Variants in KDM3A observed in about 807,000 individuals in gnomAD.
The protein encoded by KDM3A is lysine-specific demethylase 3A.
KDM3A carries 60 observed loss-of-function variants against 158.0 expected under a neutral mutation model. The ratio of observed to expected loss-of-function variants is 0.38; its 90% confidence interval spans 0.31 to 0.47. KDM3A has a LOEUF of 0.47. Ranked by LOEUF, KDM3A falls within the 20% of genes least tolerant of loss-of-function variation. KDM3A has a pLI of 0.99. For synonymous variants in KDM3A, 608 were observed against 549.3 expected, an observed-to-expected ratio of 1.11 and a Z score of -1.49; for missense variants, 1,319 against 1,574.3, an observed-to-expected ratio of 0.84 and a Z score of 2.74.
chr2:86,465,406 G>GT (rs1049432465), intron 9 of KDM3A, among the ~76,000 whole-genome samples: 2 of 152,008 alleles, frequency 1.3e-5, no homozygotes, highest in African/African-American at 4.8e-5. Flanking sequence ...AGTTTTTGAG[G>GT]TTTTTTAGAG....
intron 10 of KDM3A, among the ~76,000 whole-genome samples, chr2:86,468,013 G>C (rs1673233602): frequency 1.3e-5 from 2 of 152,154 alleles, no homozygotes; most frequent in Admixed American, 6.5e-5. Context: ...GCAACAGAGT[G>C]AGAGCTTGGC....
At chr2:86,443,743 T>A (rs1682840504) in intron 2 of KDM3A, among the ~76,000 whole-genome samples, 1 of 152,164 alleles carries the variant, frequency 6.6e-6, no homozygotes, top group Non-Finnish European at 1.5e-5. Context: ...GCTGTGAGGT[T>A]TGGTTTTTTC....
intron 10 of KDM3A, among the ~76,000 whole-genome samples, chr2:86,467,702 T>C (rs1021334507): frequency 6.6e-6 from 1 of 152,210 alleles, no homozygotes; most frequent in African/African-American, 2.4e-5. Context: ...CACTGTTAGC[T>C]ATGTGGGAAA....
rs1682735124 is a variant in KDM3A, at chr2:86,441,938, C to T, written c.-30-80C>T. 9 of 1,149,076 alleles carry T rather than the reference C, an allele frequency of 7.8e-6. No homozygotes were observed. In the East Asian group the frequency reaches 8.2e-5, roughly 11 times the overall value. 71.2% of individuals were successfully genotyped at this position (1,149,076 alleles called of 1,614,324 possible). A position where few individuals can be genotyped will look rare whatever the true frequency, so the allele number is the denominator to read the frequency against. ...CGTCCTCGCGCGGGTTCGGCGCCCT[C>T]CGCCCGCCCTCCCTGCTGTCTCCGC... On this transcript the variant is annotated intron_variant, in intron 1 of 25. Transcript: ENST00000312912.
At chr2:86,462,994 G>A (rs545702239) in intron 8 of KDM3A, among the ~76,000 whole-genome samples, 162 of 152,272 alleles carry the variant, frequency 1.1e-3, no homozygotes, top group African/African-American at 3.9e-3. Context: ...GGGAGGCTGA[G>A]CCCTGAGAAT....
chr2:86,462,164 T>C (rs1217408451), intron 8 of KDM3A, among the ~76,000 whole-genome samples: 1 of 152,004 alleles, frequency 6.6e-6, no homozygotes, highest in East Asian at 1.9e-4. Context: ...GCAAGATTTA[T>C]TGGTTTATTG....
chr2:86,463,957 G>T (rs1673028390), intron 8 of KDM3A, 96 bp from the exon 9 acceptor site: 2 of 848,944 alleles, frequency 2.4e-6, no homozygotes, highest in East Asian at 5.7e-5. Flanking sequence ...TATTATGTTT[G>T]TTTAGTATTA....
At chr2:86,449,579 A>G (rs1414544229) in intron 2 of KDM3A, among the ~76,000 whole-genome samples, 2 of 152,184 alleles carry the variant, frequency 1.3e-5, no homozygotes, top group African/African-American at 4.8e-5. Context: ...GACTGGCCCA[A>G]AAAGCCTTGA....
chr2:86,481,788 T>C (rs1040643611), intron 16 of KDM3A, 142 bp from the exon 17 acceptor site: 6 of 628,450 alleles, frequency 9.5e-6, no homozygotes, highest in Admixed American at 6.0e-5. Flanking sequence ...GTAAATCATA[T>C]CATTCATACT....
At chr2:86,476,972 G>T (rs2104688985) in intron 12 of KDM3A, among the ~76,000 whole-genome samples, 1 of 152,286 alleles carries the variant, frequency 6.6e-6, no homozygotes, top group South Asian at 2.1e-4. Flanking sequence ...GAGTCTCCTA[G>T]TCAGGAGACC....
intron 25 of KDM3A, chr2:86,491,772 C>A: frequency 2.4e-6 from 1 of 410,760 alleles, no homozygotes; most frequent in African/African-American, 2.0e-5. Flanking sequence ...TGGAACTTGC[C>A]TCTCCCTGTA....
chr2:86,468,995 CAA>C (rs1206527715), intron 10 of KDM3A, among the ~76,000 whole-genome samples: 3 of 152,204 alleles, frequency 2.0e-5, no homozygotes, highest in Non-Finnish European at 4.4e-5. Flanking sequence ...TGGCTCAACT[CAA>C]AGGATGTCTT....
upstream of KDM3A, among the ~76,000 whole-genome samples, chr2:86,440,275 TTA>T (rs541328111): frequency 4.2e-3 from 638 of 152,370 alleles, 1 homozygote; most frequent in Admixed American, 6.1e-3. Context: ...CTATAATCCC[TTA>T]TATGTTTCCA....
intron 2 of KDM3A, among the ~76,000 whole-genome samples, chr2:86,444,550 G>T (rs542772131): frequency 6.6e-6 from 1 of 150,602 alleles, no homozygotes; most frequent in East Asian, 2.0e-4. Flanking sequence ...GAACTCCTGG[G>T]CTCAAAACAC....
At chr2:86,489,061 T>G in intron 21 of KDM3A, 1 of 386,512 alleles carries the variant, frequency 2.6e-6, no homozygotes, top group Non-Finnish European at 4.7e-6. Flanking sequence ...ATCTAGCAGA[T>G]GTCCTTTTGG....
Position 86,484,045 on chromosome 2 carries a change from C to A in KDM3A, c.2981C>A (p.Ser994Tyr). Residue 994 changes from serine (S) to tyrosine (Y), a missense_variant, in exon 19 of 26, where the codon TCC becomes TAC. Ser to Tyr is a moderately radical substitution (Grantham distance 144). Coordinates refer to ENST00000312912, the MANE Select transcript of KDM3A (RefSeq NM_018433.6). ...AACTCTGAACTTTGGAAACCTGAATCCTTCAGGAAAGAGTTTGGTGAGCAG... is the reference window on the plus strand; with the variant it reads ...AACTCTGAACTTTGGAAACCTGAATACTTCAGGAAAGAGTTTGGTGAGCAG... ...KLNSELWKPESFRKEFGEQEV... is the reference protein window; with the variant it reads ...KLNSELWKPEYFRKEFGEQEV... 6.2e-7 allele frequency: 1 copy of A among 1,613,780 alleles called. No individual in the cohort carries two copies. Among genetic ancestry groups the A allele is most frequent in the Non-Finnish European group, 8.5e-7 (1 of 1,179,744 alleles).
chr2:86,480,304 A>T lies in KDM3A; in HGVS notation c.2454A>T (p.Thr818=). 1 of 1,614,124 alleles carries T rather than the reference A, an allele frequency of 6.2e-7. No individual in the cohort carries two copies. Among genetic ancestry groups the T allele is most frequent in the South Asian group, 1.1e-5 (1 of 91,078 alleles). The change falls in exon 16 of 26, where the codon ACA becomes ACT. Residue 818 remains threonine, a synonymous_variant. Transcript: ENST00000312912. ...TGAAGCCTGCCTGTCCAGCCAGCACATCTCCTCTAAACTGGCTGGCCGACC... is the reference window on the plus strand; with the variant it reads ...TGAAGCCTGCCTGTCCAGCCAGCACTTCTCCTCTAAACTGGCTGGCCGACC... The part of the protein sequence containing the change: ...GSMKPACPAS[T]SPLNWLADLT...
chr2:86,465,395 T>C (rs2104662184), intron 9 of KDM3A, among the ~76,000 whole-genome samples: 1 of 152,206 alleles, frequency 6.6e-6, no homozygotes, highest in East Asian at 1.9e-4. Context: ...AGTTTTTTTT[T>C]AGTTTTTGAG....
intron 4 of KDM3A, among the ~76,000 whole-genome samples, chr2:86,453,240 G>A (rs1672544003): frequency 6.6e-6 from 1 of 152,128 alleles, no homozygotes; most frequent in South Asian, 2.1e-4. Context: ...TTAACTGGGA[G>A]AACTATAATG....
Sources: allele counts gnomAD v4.1 joint callset (sites outside exome capture counted in the v4.1 genomes callset), GRCh38; gene constraint gnomAD v4.1.1; transcripts MANE v1.5; gene names NCBI Gene and HGNC (gene_info 2026-07-23, HGNC 2026-07-21).